FLT3: variants seen among roughly 807,000 people sequenced by gnomAD.
The protein encoded by FLT3 is fms related receptor tyrosine kinase 3.
A neutral mutation model predicts 126.6 loss-of-function variants in FLT3; 46 were observed. The ratio of observed to expected loss-of-function variants is 0.36; its 90% CI spans 0.29 to 0.46. FLT3 has a LOEUF of 0.46. Among genes scored for constraint, FLT3 ranks in the 20% least tolerant of loss-of-function variants. The pLI is 1.00. For synonymous variants in FLT3, 404 were observed against 434.4 expected (o/e 0.93, Z 0.87); for missense variants, 1,069 against 1,190.3 (o/e 0.90, Z 1.50).
chr13:28,081,758 G>T (rs1036945628), intron 1 of FLT3, among the ~76,000 whole-genome samples: 5 of 150,678 alleles, frequency 3.3e-5, no homozygotes, highest in African/African-American at 1.2e-4. Context: ...CCCTTAATTA[G>T]CTTGAGGAAG....
chr13:28,084,993 A>C (rs1210069644), intron 1 of FLT3, among the ~76,000 whole-genome samples: 2 of 119,684 alleles, frequency 1.7e-5, no homozygotes, highest in Admixed American at 9.2e-5. Flanking sequence ...AAAAAAAAAA[A>C]TTCACTGACA....
chr13:28,091,467 C>A (rs373374233), intron 1 of FLT3, among the ~76,000 whole-genome samples: 1 of 151,000 alleles, frequency 6.6e-6, no homozygotes, highest in Admixed American at 6.6e-5. Context: ...GTGATCCGCC[C>A]GCCTCGGCCT....
In FLT3 at chr13:28,073,112, G is replaced by A. The variant is rs543445105; in HGVS notation, c.44-2500C>T. 2.6e-5 allele frequency among the ~76,000 whole-genome samples: 4 copies of A among 152,268 alleles called. No individual in the cohort carries two copies. The South Asian group carries it at 8.3e-4, about 32-fold the overall frequency. On this transcript the variant is annotated intron_variant, in intron 1 of 23. Coordinates refer to ENST00000241453, the MANE Select transcript of FLT3 (RefSeq NM_004119.3). ...TCCCAGCACTTTGGGAGGCTGAGGT[G>A]GGTGGATTGCTTGAGGCCAGGAGTT...
Position 28,027,208 on chromosome 13 carries a change from T to C in FLT3, c.2087A>G (p.Tyr696Cys), listed in dbSNP as rs748414088. The change falls in exon 17 of 24, where the codon TAT becomes TGT. Residue 696 changes from tyrosine (Y) to cysteine (C), a missense_variant. Transcript: ENST00000241453. ...PIYLIFEYCC[Y>C]GDLLNYLRSK... is the part of the protein sequence containing the mutation. ...TCTTAGATAGTTGAGAAGATCACCA[T>C]AGCAACAGTATTCAAAAATCAAGTA... is the stretch of plus-strand genomic sequence containing the variant. The C allele has an allele frequency of 9.9e-6, 16 of 1,612,364 alleles. No homozygotes were observed. The highest frequency in any genetic ancestry group is 1.1e-5 in the Non-Finnish European group (13 of 1,178,696).
intron 2 of FLT3, among the ~76,000 whole-genome samples, chr13:28,067,028 A>C (rs372274866): frequency 6.6e-6 from 1 of 152,176 alleles, no homozygotes; most frequent in African/African-American, 2.4e-5. Context: ...CGCTCCTGGG[A>C]AATTCTTGCC....
In FLT3 at chr13:28,036,024, T is replaced by C. The variant is rs746696977; in HGVS notation, c.1329A>G (p.Ala443=). The part of the protein sequence containing the change: ...LNIRRKPQVL[A]EASASQASCF... ...AGGACGCCTGACTTGCCGATGCTTC[T>C]GCGAGCACTTGAGGTTTCCCTATAG... The change falls in exon 11 of 24, where the codon GCA becomes GCG. Residue 443 remains alanine, a synonymous_variant. Coordinates refer to ENST00000241453, the MANE Select transcript of FLT3 (RefSeq NM_004119.3). The C allele has an allele frequency of 6.2e-7, 1 of 1,614,116 alleles. No homozygotes were observed. The highest frequency in any genetic ancestry group is 1.1e-5 in the South Asian group (1 of 91,062).
chr13:28,050,178 A>C lies in FLT3; in HGVS notation c.659T>G (p.Val220Gly). 6.2e-7 allele frequency: 1 copy of C among 1,614,042 alleles called. No homozygotes were observed. The highest frequency in any genetic ancestry group is 1.3e-5 in the African/African-American group (1 of 75,072). Reference sequence around the variant, plus strand: ...GTCCGTCCCAAATAATTCATGAAGCACTTTTTCCTCCTTTTTAACAACAGC... The same window carrying C: ...GTCCGTCCCAAATAATTCATGAAGCCCTTTTTCCTCCTTTTTAACAACAGC... ...SPAVVKKEEK[V>G]LHELFGTDIR... The change falls in exon 6 of 24, where the codon GTG (valine) becomes GGG (glycine). Residue 220 changes from valine to glycine, a missense_variant. Transcript: ENST00000241453.
Position 28,033,984 on chromosome 13 carries a change from T to G in FLT3, c.1845A>C (p.Val615=), listed in dbSNP as rs2137673518. 1 of 1,614,110 alleles carries G rather than the reference T, an allele frequency of 6.2e-7. No individual in the cohort carries two copies. Among genetic ancestry groups the G allele is most frequent in the South Asian group, 1.1e-5 (1 of 91,082 alleles). The change falls in exon 15 of 24, where the codon GTA becomes GTC. Residue 615 remains valine, a synonymous_variant. Transcript: ENST00000241453. ...FPRENLEFGK[V]LGSGAFGKVM... ...CTTTTCCAAAAGCACCTGATCCTAG[T>G]ACCTTCCCTGCAAAGACAAATGGTG...
chr13:28,093,927 G>A (rs903174550), intron 1 of FLT3, among the ~76,000 whole-genome samples: 2 of 152,024 alleles, frequency 1.3e-5, no homozygotes, highest in Non-Finnish European at 2.9e-5. Context: ...GGGAAGGAGG[G>A]AGGGAATTAA....
intron 5 of FLT3, among the ~76,000 whole-genome samples, chr13:28,051,323 G>A (rs1338913389): frequency 2.6e-5 from 4 of 151,312 alleles, no homozygotes; most frequent in East Asian, 1.9e-4. Context: ...TGCAATCTCC[G>A]CCTCCCGGGT....
rs536968403 is a variant in FLT3 at position 28,035,109 on chromosome 13, C to A, written c.1597+386G>T. Among the ~76,000 whole-genome samples the A allele has an allele frequency of 4.6e-5, 7 of 152,268 alleles. No homozygotes were observed. The East Asian group carries it at 1.4e-3, about 29-fold the overall frequency. On this transcript the variant is annotated intron_variant, in intron 12 of 23. Transcript: ENST00000241453. Reference sequence around the variant, plus strand: ...GCAGCCAGGTTTCACAACTGTTTAACTTAGGAGGGCTCTAAAAAGCAAACC... The same window carrying A: ...GCAGCCAGGTTTCACAACTGTTTAAATTAGGAGGGCTCTAAAAAGCAAACC...
chr13:28,018,085 G>A (rs531938481), intron 20 of FLT3, among the ~76,000 whole-genome samples: 1 of 152,268 alleles, frequency 6.6e-6, no homozygotes, highest in African/African-American at 2.4e-5. Flanking sequence ...GTTTTAAAGT[G>A]CTTTATTGTG....
intron 23 of FLT3, among the ~76,000 whole-genome samples, chr13:28,007,825 A>G (rs1443016797): frequency 6.6e-6 from 1 of 152,198 alleles, no homozygotes; most frequent in African/African-American, 2.4e-5. Context: ...AGTAAACTCT[A>G]TGATTAAATA....
chr13:28,055,183 C>T (rs1846814423), intron 4 of FLT3, among the ~76,000 whole-genome samples: 1 of 152,088 alleles, frequency 6.6e-6, no homozygotes, highest in Admixed American at 6.6e-5. Flanking sequence ...AAATCAGAAA[C>T]CGAGATCAAG....
intron 9 of FLT3, among the ~76,000 whole-genome samples, chr13:28,041,881 G>A (rs545008847): frequency 5.9e-5 from 9 of 152,254 alleles, no homozygotes; most frequent in East Asian, 3.9e-4. Context: ...GGCTGGGAAC[G>A]ATGGCTCACG....
chr13:28,093,439 C>G (rs981186482), intron 1 of FLT3, among the ~76,000 whole-genome samples: 1 of 152,180 alleles, frequency 6.6e-6, no homozygotes, highest in Non-Finnish European at 1.5e-5. Flanking sequence ...ACATGTTATG[C>G]TCAGGCAACC....
At chr13:28,092,046 G>A (rs1208574671) in intron 1 of FLT3, among the ~76,000 whole-genome samples, 2 of 152,090 alleles carry the variant, frequency 1.3e-5, no homozygotes, top group African/African-American at 2.4e-5. Context: ...CTCCAGCCTG[G>A]GTGATGGAGC....
intron 1 of FLT3, among the ~76,000 whole-genome samples, chr13:28,091,476 C>A (rs1015799876): frequency 6.6e-6 from 1 of 151,646 alleles, no homozygotes; most frequent in Non-Finnish European, 1.5e-5. Context: ...CCGCCTCGGC[C>A]TCCCAAAGTG....
At chr13:28,069,735 T>C (rs1416718920) in intron 2 of FLT3, among the ~76,000 whole-genome samples, 2 of 152,212 alleles carry the variant, frequency 1.3e-5, no homozygotes, top group East Asian at 1.9e-4. Flanking sequence ...CAATAGGGTA[T>C]AATAACTATT....
Sources: allele counts gnomAD v4.1 joint callset (sites outside exome capture counted in the v4.1 genomes callset), GRCh38; gene constraint gnomAD v4.1.1; transcripts MANE v1.5; gene names NCBI Gene and HGNC (gene_info 2026-07-23, HGNC 2026-07-21).